COL17A1: variants seen among roughly 807,000 people sequenced by gnomAD.
The protein encoded by COL17A1 is collagen alpha-1(XVII) chain.
COL17A1 carries 181 observed loss-of-function variants against 218.4 expected under a neutral mutation model. The ratio of observed to expected loss-of-function variants is 0.83; its 90% CI spans 0.73 to 0.94. The LOEUF (loss-of-function observed/expected upper bound fraction) is 0.94, where lower values mean the gene tolerates loss of function less well. Ranked by LOEUF, COL17A1 falls within the 40% of genes least tolerant of loss-of-function variation. COL17A1 has a pLI of 0.00. For synonymous variants in COL17A1, 721 were observed against 731.0 expected, an observed-to-expected ratio of 0.99 and a Z score of 0.22; for missense variants, 1,924 against 1,945.9, an observed-to-expected ratio of 0.99 and a Z score of 0.21.
At position 104,072,032 on chromosome 10, in the gene COL17A1, A is replaced by C; in HGVS notation, c.463T>G (p.Trp155Gly). The C allele has an allele frequency of 6.2e-7, 1 of 1,614,026 alleles. No homozygotes were observed. The highest frequency in any genetic ancestry group is 8.5e-7 in the Non-Finnish European group (1 of 1,179,992). The change falls in exon 8 of 56, where the codon TGG (tryptophan) becomes GGG (glycine). Residue 155 changes from tryptophan (W) to glycine (G), a missense_variant and splice_region_variant. Physicochemically the swap from Trp to Gly is radical, Grantham distance 184. Transcript: ENST00000648076. ...TTTCAGCAAGATCATGACCACTTAC[A>C]TCGGGTGGATGGGGACGCACTCTGC... ...RLQSASPSTR[W>G]TELDDVKRLL...
intron 47 of COL17A1, 138 bp downstream of exon 47, chr10:104,036,907 A>T: frequency 1.1e-6 from 1 of 881,676 alleles, no homozygotes; most frequent in East Asian, 2.6e-5. Context: ...CAGAGCAGTA[A>T]GTGGCTCTTT....
chr10:104,038,280 ACT>A, intron 45 of COL17A1, 124 bp downstream of exon 45: 19 of 888,166 alleles, frequency 2.1e-5, no homozygotes, highest in Non-Finnish European at 3.0e-5. Context: ...ACACACACAC[ACT>A]CCCACTGCCC....
chr10:104,080,727 GT>G (rs2086757748), intron 1 of COL17A1, 43 bp from the exon 2 acceptor site: 1 of 1,603,138 alleles, frequency 6.2e-7, no homozygotes, highest in Non-Finnish European at 8.5e-7. Context: ...ACTTATCATT[GT>G]TTTTAGTAAT....
chr10:104,050,221 A>C, intron 27 of COL17A1, 97 bp from the exon 28 acceptor site: 11 of 1,554,858 alleles, frequency 7.1e-6, no homozygotes, highest in Non-Finnish European at 9.7e-6. Flanking sequence ...GGTAGTTCTC[A>C]CTGTATCCGT....
At chr10:104,076,546 A>G in intron 4 of COL17A1, 117 bp from the exon 5 acceptor site, 4 of 1,400,300 alleles carry the variant, frequency 2.9e-6, no homozygotes, top group Non-Finnish European at 3.0e-6. Context: ...GGGAGGGCAC[A>G]GCTGAAAGGG....
At chr10:104,053,740 T>A (rs2086492855) in intron 22 of COL17A1, among the ~76,000 whole-genome samples, 180 bp downstream of exon 22, 1 of 152,122 alleles carries the variant, frequency 6.6e-6, no homozygotes, top group South Asian at 2.1e-4. Flanking sequence ...TTTCTCACAG[T>A]TACTGTCTTT....
intron 1 of COL17A1, among the ~76,000 whole-genome samples, chr10:104,084,240 T>C (rs554113823): frequency 6.6e-6 from 1 of 152,274 alleles, no homozygotes; most frequent in Non-Finnish European, 1.5e-5. Context: ...CTTCTTTTTG[T>C]TTTTCATAAT....
intron 5 of COL17A1, among the ~76,000 whole-genome samples, chr10:104,076,010 T>C (rs937463483): frequency 1.3e-5 from 2 of 152,270 alleles, no homozygotes; most frequent in African/African-American, 4.8e-5. Context: ...AAGATCTATG[T>C]CTGATTCATT....
In COL17A1 at chr10:104,036,641, G is replaced by C. The variant is rs2274098; in HGVS notation, c.3278-9C>G. 1,304,498 of 1,612,920 alleles carry C rather than the reference G, an allele frequency of 0.81. 532,638 individuals are homozygous for C. Among genetic ancestry groups the C allele is most frequent in the East Asian group, 0.84 (37,641 of 44,864 alleles). On this transcript the variant is annotated splice_polypyrimidine_tract_variant and intron_variant, in intron 47 of 55. Transcript: ENST00000648076. The stretch of plus-strand genomic sequence containing the variant: ...CTGACGCACGTCATCCCCTGGAGAG[G>C]AGAGGATGCACTAGCAGGACCCACC...
Position 104,080,662 on chromosome 10 carries a change from G to C in COL17A1, c.12C>G (p.Thr4=). MDV[T]KKNKRDGTEV... is the part of the protein sequence containing the mutation. ...CAGTTCCATCTCGTTTGTTTTTCTTGGTTACATCCATACCATAGCCACCTG... is the reference window on the plus strand; with the variant it reads ...CAGTTCCATCTCGTTTGTTTTTCTTCGTTACATCCATACCATAGCCACCTG... The change falls in exon 2 of 56, where the codon ACC becomes ACG. Residue 4 remains threonine (T), a synonymous_variant. Coordinates refer to ENST00000648076, the MANE Select transcript of COL17A1 (RefSeq NM_000494.4). 4 of 1,612,956 alleles carry C rather than the reference G, an allele frequency of 2.5e-6. No individual in the cohort carries two copies. The highest frequency in any genetic ancestry group is 1.1e-5 in the South Asian group (1 of 91,042).
intron 46 of COL17A1, among the ~76,000 whole-genome samples, chr10:104,037,407 A>T (rs986061417): frequency 5.3e-5 from 8 of 151,956 alleles, no homozygotes; most frequent in African/African-American, 1.9e-4. Flanking sequence ...GGAACACATT[A>T]GTCAATTGCC....
chr10:104,078,188 A>C (rs895761112), intron 3 of COL17A1, among the ~76,000 whole-genome samples: 1 of 152,174 alleles, frequency 6.6e-6, no homozygotes, highest in African/African-American at 2.4e-5. Context: ...TCAGATATCC[A>C]ATATTTTAGC....
chr10:104,073,835 C>A (rs910577741), intron 6 of COL17A1: 2 of 327,842 alleles, frequency 6.1e-6, no homozygotes, highest in Admixed American at 8.4e-5. Flanking sequence ...GTGTTCTACT[C>A]GCTGCTCTGC....
intron 2 of COL17A1, 74 bp from the exon 3 acceptor site, chr10:104,078,660 T>A (rs376290266): frequency 6.3e-7 from 1 of 1,590,796 alleles, no homozygotes; most frequent in Non-Finnish European, 8.6e-7. Flanking sequence ...AGGTCTAAGC[T>A]CTGTCACAGG....
rs1275247583 is a variant in COL17A1, at chr10:104,076,349, C to T, written c.283G>A (p.Gly95Ser). The change falls in exon 5 of 56, where the codon GGC becomes AGC. Residue 95 changes from glycine to serine, a missense_variant. Coordinates refer to ENST00000648076, the MANE Select transcript of COL17A1 (RefSeq NM_000494.4). ...TGAGTTTTCCTTTCAAAGGTTGAGCCTGGGGAGTTGGGCAGAGTGGAGGCA... is the reference window on the plus strand; with the variant it reads ...TGAGTTTTCCTTTCAAAGGTTGAGCTTGGGGAGTTGGGCAGAGTGGAGGCA... ...SPASTLPNSPGSTFERKTHVT... is the reference protein window; with the variant it reads ...SPASTLPNSPSSTFERKTHVT... 1 of 1,614,142 alleles carries T rather than the reference C, an allele frequency of 6.2e-7. No homozygotes were observed. Among genetic ancestry groups the T allele is most frequent in the African/African-American group, 1.3e-5 (1 of 75,034 alleles).
At position 104,034,042 on chromosome 10, in the gene COL17A1, G is replaced by A. The variant is rs757687663; in HGVS notation, c.4059C>T (p.Gly1353=). 1.1e-5 allele frequency: 18 copies of A among 1,613,976 alleles called. No individual in the cohort carries two copies. The highest frequency in any genetic ancestry group is 1.1e-4 in the African/African-American group (8 of 74,924). ...GTCCGCCATTGCCAGCATACATGCCGCCTTCTGCTGCTGCCCCATAGCCTC... is the reference window on the plus strand; with the variant it reads ...GTCCGCCATTGCCAGCATACATGCCACCTTCTGCTGCTGCCCCATAGCCTC... ...PGGGYGAAAE[G]GMYAGNGGLL... The change falls in exon 52 of 56, where the codon GGC becomes GGT. Residue 1353 remains glycine, a synonymous_variant. Transcript: ENST00000648076.
At chr10:104,085,460 A>C (rs1341740639) in intron 1 of COL17A1, among the ~76,000 whole-genome samples, 1 of 152,206 alleles carries the variant, frequency 6.6e-6, no homozygotes, top group Non-Finnish European at 1.5e-5. Context: ...ACAATGCAGA[A>C]AGGTCTTGCC....
chr10:104,031,698 T>G lies in COL17A1; in HGVS notation c.*537A>C, dbSNP rs1589553104. 1 of 162,804 alleles carries G rather than the reference T, an allele frequency of 6.1e-6. No individual in the cohort carries two copies. The highest frequency in any genetic ancestry group is 1.7e-4 in the East Asian group (1 of 5,916). 10.1% of individuals were successfully genotyped at this position (162,804 alleles called of 1,614,324 possible). A position where few individuals can be genotyped will look rare whatever the true frequency, so the allele number is the denominator to read the frequency against. On this transcript the variant is annotated 3_prime_UTR_variant, in exon 56 of 56. Coordinates refer to ENST00000648076, the MANE Select transcript of COL17A1 (RefSeq NM_000494.4). Reference sequence around the variant, plus strand: ...ATCACCTCCTAGAGGGGAAGTGAATTTCTTAATTTTTTTAGTTGCAAGAGT... The same window carrying G: ...ATCACCTCCTAGAGGGGAAGTGAATGTCTTAATTTTTTTAGTTGCAAGAGT...
chr10:104,076,435 A>G lies in COL17A1; in HGVS notation c.203-6T>C, dbSNP rs750124832. ...ATGGCCTCGTGTGCTTCCAGCTGCA[A>G]GAGGGAAAAAGCATAAGTTCTCAGT... On this transcript the variant is annotated splice_region_variant and splice_polypyrimidine_tract_variant and intron_variant, in intron 4 of 55. Coordinates refer to ENST00000648076, the MANE Select transcript of COL17A1 (RefSeq NM_000494.4). 6.2e-7 allele frequency: 1 copy of G among 1,613,938 alleles called. No individual in the cohort carries two copies. The highest frequency in any genetic ancestry group is 8.5e-7 in the Non-Finnish European group (1 of 1,179,852).
Sources: gnomAD v4.1 joint callset for allele counts (sites outside exome capture counted in the v4.1 genomes callset) on GRCh38, gnomAD v4.1.1 for gene constraint, MANE v1.5 for transcripts, NCBI Gene and HGNC (gene_info 2026-07-23, HGNC 2026-07-21) for gene names.